Variants in SNX29 observed in about 807,000 individuals in gnomAD.
SNX29 encodes sorting nexin-29.
A neutral mutation model predicts 102.1 loss-of-function variants in SNX29; 78 were observed. That is an observed-to-expected ratio of 0.76 (90% confidence interval 0.64 to 0.92). The LOEUF is 0.92. Among genes scored for constraint, SNX29 ranks in the 40% least tolerant of loss-of-function variants. The probability of loss-of-function intolerance (pLI) is 0.00; values close to 1 mark genes in which losing one functional copy is unlikely to be tolerated. For synonymous variants in SNX29, 580 were observed against 414.5 expected, an observed-to-expected ratio of 1.40 and a Z score of -4.85; for missense variants, 1,280 against 1,061.7, an observed-to-expected ratio of 1.21 and a Z score of -2.86.
intron 18 of SNX29, among the ~76,000 whole-genome samples, chr16:12,476,414 A>G (rs1416309487): frequency 0.05 from 467 of 9,252 alleles, 16 homozygotes; most frequent in African/African-American, 0.15. Context: ...ATATATATAC[A>G]TATATATATA....
At chr16:12,049,746 A>G (rs963084058) in intron 7 of SNX29, among the ~76,000 whole-genome samples, 1 of 152,044 alleles carries the variant, frequency 6.6e-6, no homozygotes, top group Admixed American at 6.6e-5. Flanking sequence ...GGACATTAAG[A>G]TGTTACTACA....
intron 18 of SNX29, among the ~76,000 whole-genome samples, chr16:12,463,817 AGTGTGTGTGTGT>A (rs143006476): frequency 8.4e-5 from 12 of 143,270 alleles, no homozygotes; most frequent in East Asian, 2.1e-4. Flanking sequence ...TCCCGAAGTG[AGTGTGTGTGTGT>A]GTGTGTGTGT....
At chr16:12,196,653 A>G (rs977215847) in intron 13 of SNX29, among the ~76,000 whole-genome samples, 8 of 126,644 alleles carry the variant, frequency 6.3e-5, no homozygotes, top group African/African-American at 2.4e-4. Context: ...ACGGAGTCTC[A>G]CTCTGTTGCG....
At chr16:12,451,467 C>G (rs536232963) in intron 18 of SNX29, among the ~76,000 whole-genome samples, 1 of 152,312 alleles carries the variant, frequency 6.6e-6, no homozygotes, top group South Asian at 2.1e-4. Context: ...TGTGGGATGA[C>G]CTGTGACCTG....
intron 18 of SNX29, among the ~76,000 whole-genome samples, chr16:12,472,903 A>T (rs2087426918): frequency 6.6e-6 from 1 of 152,170 alleles, no homozygotes; most frequent in Non-Finnish European, 1.5e-5. Context: ...GATTACAGAT[A>T]TTACCCTCCT....
At chr16:12,552,339 C>CT (rs1433433208) in intron 20 of SNX29, among the ~76,000 whole-genome samples, 1 of 152,178 alleles carries the variant, frequency 6.6e-6, no homozygotes, top group African/African-American at 2.4e-5. Flanking sequence ...CTCCTGGCTT[C>CT]TGTGAGGGTT....
intron 15 of SNX29, among the ~76,000 whole-genome samples, chr16:12,332,341 G>T (rs1038954578): frequency 6.6e-6 from 1 of 152,154 alleles, no homozygotes; most frequent in African/African-American, 2.4e-5. Context: ...CCTGCATGAA[G>T]CTCCGTCATT....
intron 13 of SNX29, among the ~76,000 whole-genome samples, chr16:12,180,776 C>T (rs899559458): frequency 2.6e-5 from 4 of 152,158 alleles, no homozygotes; most frequent in African/African-American, 4.8e-5. Flanking sequence ...TGAGCCACCT[C>T]GCCTGGCCCG....
intron 13 of SNX29, among the ~76,000 whole-genome samples, chr16:12,162,295 G>A (rs1034300269): frequency 3.3e-5 from 5 of 152,286 alleles, no homozygotes; most frequent in African/African-American, 4.8e-5. Context: ...AGTACCATGC[G>A]TCATTTTCTT....
intron 13 of SNX29, among the ~76,000 whole-genome samples, chr16:12,154,789 C>T (rs1006925338): frequency 2.0e-5 from 3 of 152,188 alleles, no homozygotes; most frequent in Non-Finnish European, 4.4e-5. Flanking sequence ...GGCACCTTCT[C>T]CCTGTGTCCT....
intron 20 of SNX29, among the ~76,000 whole-genome samples, chr16:12,546,111 A>G (rs537823762): frequency 5.9e-5 from 9 of 152,258 alleles, no homozygotes; most frequent in African/African-American, 2.2e-4. Flanking sequence ...ACTTTGGACA[A>G]TGTATTCTCC....
At chr16:12,206,907 T>C (rs548780054) in intron 14 of SNX29, among the ~76,000 whole-genome samples, 34 of 150,986 alleles carry the variant, frequency 2.3e-4, no homozygotes, top group Non-Finnish European at 4.0e-4. Context: ...AGGATATCAC[T>C]TTCCAATTAA....
chr16:12,352,010 G>T (rs1266917172), intron 15 of SNX29, among the ~76,000 whole-genome samples: 2 of 152,088 alleles, frequency 1.3e-5, no homozygotes, highest in Admixed American at 6.5e-5. Context: ...AGTTAAACTT[G>T]TATTTTGAGC....
chr16:12,436,070 T>G (rs574919971), intron 18 of SNX29, among the ~76,000 whole-genome samples: 1 of 152,138 alleles, frequency 6.6e-6, no homozygotes, highest in Non-Finnish European at 1.5e-5. Context: ...TGGCACTCAA[T>G]TGGGGCGCCG....
chr16:12,293,729 A>G (rs1439659586), intron 15 of SNX29, among the ~76,000 whole-genome samples: 1 of 152,200 alleles, frequency 6.6e-6, no homozygotes, highest in Non-Finnish European at 1.5e-5. Context: ...GAACAGATTA[A>G]AAAAATAAAG....
chr16:12,438,833 G>A (rs543088749), intron 18 of SNX29, among the ~76,000 whole-genome samples: 1 of 152,318 alleles, frequency 6.6e-6, no homozygotes, highest in East Asian at 1.9e-4. Flanking sequence ...TAGACTCAGG[G>A]AAGGTTCTGG....
At chr16:12,234,845 C>A (rs1350894282) in intron 14 of SNX29, among the ~76,000 whole-genome samples, 2 of 152,174 alleles carry the variant, frequency 1.3e-5, no homozygotes, top group African/African-American at 4.8e-5. Flanking sequence ...AGAAGATACC[C>A]GCTGAATGGA....
intron 9 of SNX29, among the ~76,000 whole-genome samples, chr16:12,068,437 G>T (rs2051137048): frequency 6.9e-6 from 1 of 145,110 alleles, no homozygotes. Flanking sequence ...GCAGTGAGCC[G>T]TGATCACACA....
intron 11 of SNX29, among the ~76,000 whole-genome samples, chr16:12,100,656 G>T (rs2141196280): frequency 6.6e-6 from 1 of 150,878 alleles, no homozygotes; most frequent in South Asian, 2.1e-4. Context: ...CTTGGCAGAG[G>T]GAACGGCCAG....
Sources: gnomAD v4.1 joint callset for allele counts (sites outside exome capture counted in the v4.1 genomes callset) on GRCh38, gnomAD v4.1.1 for gene constraint, MANE v1.5 for transcripts, NCBI Gene and HGNC (gene_info 2026-07-23, HGNC 2026-07-21) for gene names.